Variants in TANGO6 observed in about 807,000 individuals in gnomAD.
The protein encoded by TANGO6 is transport and golgi organization 6 homolog, also known as transport and Golgi organization protein 6 homolog.
A neutral mutation model predicts 114.2 loss-of-function variants in TANGO6; 90 were observed. The ratio of observed to expected loss-of-function variants is 0.79; its 90% CI spans 0.66 to 0.94. TANGO6 has a LOEUF of 0.94. Ranked by LOEUF, TANGO6 falls within the 40% of genes least tolerant of loss-of-function variation. The probability of loss-of-function intolerance (pLI) is 0.00; values close to 1 mark genes in which losing one functional copy is unlikely to be tolerated. For missense variants in TANGO6, 1,274 were observed against 1,315.3 expected, an observed-to-expected ratio of 0.97 and a Z score of 0.49; for synonymous variants, 477 against 509.8, an observed-to-expected ratio of 0.94 and a Z score of 0.87.
chr16:68,932,310 C>T (rs1465863634), intron 14 of TANGO6, among the ~76,000 whole-genome samples: 1 of 151,728 alleles, frequency 6.6e-6, no homozygotes, highest in African/African-American at 2.4e-5. Flanking sequence ...AGGCTGGTCT[C>T]GAACTCCTGA....
chr16:68,978,516 G>T (rs1963787420), intron 15 of TANGO6, among the ~76,000 whole-genome samples: 1 of 152,126 alleles, frequency 6.6e-6, no homozygotes, highest in African/African-American at 2.4e-5. Context: ...TCATCAACTT[G>T]TCCTGGTGCA....
At chr16:68,866,548 G>C (rs1055398694) in intron 3 of TANGO6, among the ~76,000 whole-genome samples, 12 of 151,506 alleles carry the variant, frequency 7.9e-5, no homozygotes, top group Non-Finnish European at 1.5e-4. Flanking sequence ...GCGTGAACCC[G>C]GGAAGCGGAG....
At chr16:69,063,819 T>TATTATA (rs1960172911) in intron 17 of TANGO6, among the ~76,000 whole-genome samples, 1 of 136,634 alleles carries the variant, frequency 7.3e-6, no homozygotes, top group Non-Finnish European at 1.5e-5. Flanking sequence ...TTATTATTAT[T>TATTATA]ATTATTATTA....
intron 16 of TANGO6, among the ~76,000 whole-genome samples, chr16:69,033,305 G>A (rs1959629310): frequency 6.6e-6 from 1 of 152,196 alleles, no homozygotes; most frequent in Non-Finnish European, 1.5e-5. Context: ...TGGTGGAGAA[G>A]GAACTTGAGC....
At chr16:69,039,000 G>A (rs566500838) in intron 16 of TANGO6, among the ~76,000 whole-genome samples, 25 of 152,134 alleles carry the variant, frequency 1.6e-4, no homozygotes, top group Admixed American at 5.2e-4. Context: ...TGGCTAACAC[G>A]GTGAAAAACC....
intron 1 of TANGO6, among the ~76,000 whole-genome samples, chr16:68,846,322 A>G (rs1250607828): frequency 6.6e-6 from 1 of 152,120 alleles, no homozygotes. Context: ...GCGAGCCACC[A>G]TGCCCAACCT....
At chr16:68,956,448 G>A (rs955303599) in intron 14 of TANGO6, among the ~76,000 whole-genome samples, 5 of 152,150 alleles carry the variant, frequency 3.3e-5, no homozygotes, top group Admixed American at 6.5e-5. Flanking sequence ...GCTTAGACCC[G>A]CTAAGGAATA....
intron 15 of TANGO6, among the ~76,000 whole-genome samples, chr16:68,992,984 G>A (rs971890652): frequency 2.0e-5 from 3 of 152,120 alleles, no homozygotes; most frequent in Non-Finnish European, 2.9e-5. Flanking sequence ...CAGGAGAATC[G>A]CTTGAATCCG....
chr16:68,951,338 G>C (rs927590227), intron 14 of TANGO6, among the ~76,000 whole-genome samples: 3 of 151,536 alleles, frequency 2.0e-5, no homozygotes, highest in Non-Finnish European at 4.4e-5. Flanking sequence ...AGGCAGGGTG[G>C]GGGGGTTGGG....
At chr16:69,012,556 C>CAAAAA (rs1175561720) in intron 15 of TANGO6, among the ~76,000 whole-genome samples, 6 of 36,460 alleles carry the variant, frequency 1.6e-4, no homozygotes, top group Non-Finnish European at 3.0e-4. Flanking sequence ...AACTCTGTCT[C>CAAAAA]AAAAAAAAAA....
Position 68,965,376 on chromosome 16 carries a change from CT to C in TANGO6, c.2702-8651del, listed in dbSNP as rs1241880973. ...TAACGGGTTACAATTCATTTTCCCC[CT>C]CTTTCTACTCTCACCCTGCAGGGGC... On this transcript the variant is annotated intron_variant, in intron 14 of 17. Transcript: ENST00000261778. Among the ~76,000 whole-genome samples the C allele has an allele frequency of 2.6e-5, 4 of 152,164 alleles. No homozygotes were observed. The East Asian group carries it at 7.7e-4, about 29-fold the overall frequency.
rs1488220436 is a variant in TANGO6 at position 68,927,786 on chromosome 16, C to A, written c.2346C>A (p.Thr782=). Residue 782 remains threonine (T), a synonymous_variant, in exon 13 of 18, where the codon ACC becomes ACA. Transcript: ENST00000261778. ...GGAAAATAGAAGAGCAGCAACAAAC[C>A]AGTCATGAAAGACCCACTGATGTAG... The part of the protein sequence containing the change: ...LEGKIEEQQQ[T]SHERPTDVAH... The A allele has an allele frequency of 1.9e-6, 3 of 1,613,844 alleles. No individual in the cohort carries two copies. The highest frequency in any genetic ancestry group is 2.5e-6 in the Non-Finnish European group (3 of 1,179,894).
At chr16:69,069,795 C>T (rs372713134) in intron 17 of TANGO6, among the ~76,000 whole-genome samples, 2 of 152,074 alleles carry the variant, frequency 1.3e-5, no homozygotes, top group South Asian at 4.1e-4. Flanking sequence ...TTTCTAAATA[C>T]AACTGTTACA....
intron 16 of TANGO6, among the ~76,000 whole-genome samples, chr16:69,031,246 A>G (rs976040148): frequency 6.6e-6 from 1 of 152,030 alleles, no homozygotes; most frequent in Non-Finnish European, 1.5e-5. Context: ...AATTGTGAGC[A>G]CAACAAGGGC....
At chr16:69,011,479 G>T (rs1261390702) in intron 15 of TANGO6, among the ~76,000 whole-genome samples, 5 of 150,994 alleles carry the variant, frequency 3.3e-5, no homozygotes, top group Non-Finnish European at 7.4e-5. Context: ...TTGGAAAAAG[G>T]GTCTTGCTGT....
intron 7 of TANGO6, among the ~76,000 whole-genome samples, chr16:68,886,405 TG>T (rs2152173933): frequency 1.2e-5 from 1 of 85,792 alleles, no homozygotes; most frequent in African/African-American, 1.2e-4. Flanking sequence ...ATTTTTAAAT[TG>T]GGTTTATTGT....
chr16:68,875,367 A>G lies in TANGO6; in HGVS notation c.1131+77A>G. 5 of 1,497,014 alleles carry G rather than the reference A, an allele frequency of 3.3e-6. No homozygotes were observed. In the East Asian group the frequency reaches 1.2e-4, roughly 35 times the overall value. 92.7% of individuals were successfully genotyped at this position (1,497,014 alleles called of 1,614,324 possible). ...GAAAGAGGACTTTTAATGTTCCTCT[A>G]GTATTGAGATAAAAGCAGTATAATA... is the stretch of plus-strand genomic sequence containing the variant. On this transcript the variant is annotated intron_variant, in intron 5 of 17. Transcript: ENST00000261778.
intron 16 of TANGO6, among the ~76,000 whole-genome samples, chr16:69,028,093 G>T (rs1041253182): frequency 1.3e-5 from 2 of 152,040 alleles, no homozygotes; most frequent in African/African-American, 2.4e-5. Context: ...CCCAGTAGCT[G>T]GGATTACAGG....
At chr16:69,077,224 T>C (rs1378219839) in intron 17 of TANGO6, among the ~76,000 whole-genome samples, 3 of 151,794 alleles carry the variant, frequency 2.0e-5, no homozygotes, top group African/African-American at 7.3e-5. Flanking sequence ...TTATTTTATT[T>C]TATTTTTTTT....
Sources: allele counts gnomAD v4.1 joint callset (sites outside exome capture counted in the v4.1 genomes callset), GRCh38; gene constraint gnomAD v4.1.1; transcripts MANE v1.5; gene names NCBI Gene and HGNC (gene_info 2026-07-23, HGNC 2026-07-21).